FGF12: variants seen among roughly 807,000 people sequenced by gnomAD.
FGF12 encodes fibroblast growth factor 12.
FGF12 carries 14 observed loss-of-function variants against 23.6 expected under a neutral mutation model. That is an observed-to-expected ratio of 0.59 (90% confidence interval 0.39 to 0.93). The LOEUF (loss-of-function observed/expected upper bound fraction) is 0.93, where lower values mean the gene tolerates loss of function less well. FGF12 is among the 40% of genes least tolerant of loss of function. The pLI is 0.00. For missense variants in FGF12, 175 were observed against 217.8 expected (o/e 0.80, Z 1.24); for synonymous variants, 62 against 77.3 (o/e 0.80, Z 1.04).
intron 2 of FGF12, among the ~76,000 whole-genome samples, chr3:192,715,220 T>A (rs980051026): frequency 6.6e-6 from 1 of 152,214 alleles, no homozygotes; most frequent in Admixed American, 6.5e-5. Flanking sequence ...TCACCTACAT[T>A]ACATAATTTG....
In FGF12 at chr3:192,294,113, C is replaced by G. The variant is rs972098604; in HGVS notation, c.228+41248G>C. 5.9e-5 allele frequency among the ~76,000 whole-genome samples: 9 copies of G among 152,276 alleles called. 2 individuals are homozygous for G. On this transcript the variant is annotated intron_variant, in intron 4 of 5. Coordinates refer to ENST00000445105, the MANE Select transcript of FGF12 (RefSeq NM_004113.6). ...TTTCCGCTTTCACTTTTCTCTCATT[C>G]TCTCTTTGCCTGCTGCCATCCCTGT... is the stretch of plus-strand genomic sequence containing the variant.
At chr3:192,246,211 C>G in intron 4 of FGF12, among the ~76,000 whole-genome samples, 1 of 152,098 alleles carries the variant, frequency 6.6e-6, no homozygotes. Context: ...TAATTACATA[C>G]TTGATTACAT....
chr3:192,383,179 A>G (rs1385034274), intron 2 of FGF12, among the ~76,000 whole-genome samples: 6 of 152,230 alleles, frequency 3.9e-5, no homozygotes, highest in African/African-American at 1.4e-4. Flanking sequence ...TATACACCCC[A>G]GCATGGCATG....
chr3:192,167,246 A>G (rs1032717583), intron 5 of FGF12, among the ~76,000 whole-genome samples: 4 of 151,690 alleles, frequency 2.6e-5, no homozygotes, highest in African/African-American at 7.3e-5. Flanking sequence ...GGCCAGTGCG[A>G]TAAGTAGCAT....
chr3:192,253,029 A>G (rs143404861), intron 4 of FGF12, among the ~76,000 whole-genome samples: 6 of 152,258 alleles, frequency 3.9e-5, no homozygotes, highest in East Asian at 3.9e-4. Context: ...GAATTGATCA[A>G]TGGATCCAGA....
chr3:192,498,315 A>G (rs921190158), intron 2 of FGF12, among the ~76,000 whole-genome samples: 1 of 152,216 alleles, frequency 6.6e-6, no homozygotes, highest in African/African-American at 2.4e-5. Context: ...CACCTACTAG[A>G]AACAAAATTA....
chr3:192,197,458 T>C (rs920007195), intron 4 of FGF12, among the ~76,000 whole-genome samples: 2 of 152,212 alleles, frequency 1.3e-5, no homozygotes, highest in African/African-American at 4.8e-5. Flanking sequence ...ATCTCCTTTT[T>C]TGTCTAGCTT....
intron 2 of FGF12, among the ~76,000 whole-genome samples, chr3:192,521,620 G>A (rs1393252413): frequency 1.3e-5 from 2 of 152,024 alleles, no homozygotes; most frequent in African/African-American, 2.4e-5. Context: ...ACCTGAACAC[G>A]TCTCTGACCC....
At chr3:192,322,441 A>T (rs1470584924) in intron 4 of FGF12, among the ~76,000 whole-genome samples, 1 of 152,002 alleles carries the variant, frequency 6.6e-6, no homozygotes, top group Non-Finnish European at 1.5e-5. Flanking sequence ...TACTAACAAC[A>T]TTCTTTACAG....
intron 2 of FGF12, among the ~76,000 whole-genome samples, chr3:192,532,910 AC>A (rs1337722324): frequency 6.6e-6 from 1 of 152,160 alleles, no homozygotes; most frequent in Admixed American, 6.6e-5. Flanking sequence ...GTGGCATGAC[AC>A]TTAGCAAGCT....
chr3:192,210,914 G>C (rs9861933), intron 4 of FGF12, among the ~76,000 whole-genome samples: 11,842 of 152,278 alleles, frequency 0.078, 821 homozygotes, highest in African/African-American at 0.19. Flanking sequence ...TGGAGGCAAC[G>C]AGAAGAACAA....
chr3:192,279,344 A>C (rs1714006529), intron 4 of FGF12, among the ~76,000 whole-genome samples: 1 of 151,744 alleles, frequency 6.6e-6, no homozygotes, highest in Non-Finnish European at 1.5e-5. Flanking sequence ...AAAGAAAATG[A>C]CTCTAAGAGA....
chr3:192,335,658 T>C (rs1482569170), intron 3 of FGF12, among the ~76,000 whole-genome samples, 194 bp from the exon 4 acceptor site: 1 of 152,146 alleles, frequency 6.6e-6, no homozygotes, highest in Non-Finnish European at 1.5e-5. Flanking sequence ...CCTATGTAAC[T>C]TCAGGTAAAT....
intron 2 of FGF12, among the ~76,000 whole-genome samples, chr3:192,464,682 T>C (rs996650318): frequency 1.3e-5 from 2 of 152,178 alleles, no homozygotes; most frequent in African/African-American, 4.8e-5. Context: ...AGTAGATACC[T>C]AGTAGCAGGA....
chr3:192,503,873 C>A (rs1724211452), intron 2 of FGF12, among the ~76,000 whole-genome samples: 1 of 152,010 alleles, frequency 6.6e-6, no homozygotes, highest in South Asian at 2.1e-4. Context: ...ATCATTCTAC[C>A]ATAAAGACAT....
chr3:192,277,516 A>G (rs555015016), intron 4 of FGF12, among the ~76,000 whole-genome samples: 2 of 152,276 alleles, frequency 1.3e-5, no homozygotes, highest in Admixed American at 1.3e-4. Context: ...CAATCTCTAT[A>G]GGGTATTCAC....
At chr3:192,696,913 C>T (rs1718143024) in intron 2 of FGF12, among the ~76,000 whole-genome samples, 1 of 151,916 alleles carries the variant, frequency 6.6e-6, no homozygotes, top group Non-Finnish European at 1.5e-5. Context: ...AACTGTAATG[C>T]ATTTTTTTTA....
chr3:192,517,673 T>C (rs940815977), intron 2 of FGF12, among the ~76,000 whole-genome samples: 2 of 152,226 alleles, frequency 1.3e-5, no homozygotes, highest in African/African-American at 4.8e-5. Context: ...GTATGGACAT[T>C]TGATAATAGT....
At chr3:192,550,837 A>T (rs1267408208) in intron 2 of FGF12, among the ~76,000 whole-genome samples, 1 of 152,196 alleles carries the variant, frequency 6.6e-6, no homozygotes, top group Non-Finnish European at 1.5e-5. Context: ...AAAATACTTT[A>T]AAATACTCAA....
Sources: gnomAD v4.1 joint callset for allele counts (sites outside exome capture counted in the v4.1 genomes callset) on GRCh38, gnomAD v4.1.1 for gene constraint, MANE v1.5 for transcripts, NCBI Gene and HGNC (gene_info 2026-07-23, HGNC 2026-07-21) for gene names.